ROBO2: variants seen among roughly 807,000 people sequenced by gnomAD.
ROBO2 encodes roundabout homolog 2.
ROBO2 carries 53 observed loss-of-function variants against 160.8 expected under a neutral mutation model. The ratio of observed to expected loss-of-function variants is 0.33; its 90% CI spans 0.26 to 0.41. ROBO2 has a LOEUF of 0.41. ROBO2 is among the 10% of genes least tolerant of loss of function. The probability of loss-of-function intolerance (pLI) is 1.00; values close to 1 mark genes in which losing one functional copy is unlikely to be tolerated. For synonymous variants in ROBO2, 664 were observed against 611.7 expected, an observed-to-expected ratio of 1.09 and a Z score of -1.26; for missense variants, 1,577 against 1,722.4, an observed-to-expected ratio of 0.92 and a Z score of 1.49.
intron 2 of ROBO2, among the ~76,000 whole-genome samples, chr3:77,185,659 G>A (rs183380352): frequency 6.6e-6 from 1 of 151,898 alleles, no homozygotes; most frequent in African/African-American, 2.4e-5. Flanking sequence ...CTCACTACTG[G>A]GTGTCTACCC....
At position 77,026,730 on chromosome 3, in the gene ROBO2, A is replaced by G. The variant is rs369539139; in HGVS notation, c.110-71284A>G. ...AGATAATGGAACTAAAGTTCAGAAA[A>G]GCAAAGTATCTTTATGAGACAGATG... On this transcript the variant is annotated intron_variant, in intron 2 of 26. Coordinates refer to the ROBO2 transcript ENST00000487694. 4.7e-4 allele frequency among the ~76,000 whole-genome samples: 71 copies of G among 152,356 alleles called. No individual in the cohort carries two copies. The East Asian group carries it at 9.8e-3, about 21-fold the overall frequency.
chr3:76,608,658 T>C (rs578164777), intron 2 of ROBO2, among the ~76,000 whole-genome samples: 9 of 152,312 alleles, frequency 5.9e-5, no homozygotes, highest in African/African-American at 2.2e-4. Context: ...CAGACCAACA[T>C]CCTGGAGAGT....
intron 2 of ROBO2, among the ~76,000 whole-genome samples, chr3:76,345,725 C>A (rs370182899): frequency 6.6e-6 from 1 of 151,916 alleles, no homozygotes; most frequent in South Asian, 2.1e-4. Flanking sequence ...AAGAGACCAT[C>A]ACAGAACATA....
At chr3:77,571,063 T>A (rs1336006900) in intron 13 of ROBO2, among the ~76,000 whole-genome samples, 1 of 152,016 alleles carries the variant, frequency 6.6e-6, no homozygotes, top group Non-Finnish European at 1.5e-5. Flanking sequence ...GAAAAATGAT[T>A]ATTCTAGCTT....
chr3:77,602,108 G>A, intron 19 of ROBO2, 102 bp from the exon 21 acceptor site: 2 of 1,193,314 alleles, frequency 1.7e-6, no homozygotes. Context: ...CAGCTGAAAT[G>A]CAAACGTGCA....
At chr3:77,097,120 G>GTC (rs1414163635) in intron 1 of ROBO2, among the ~76,000 whole-genome samples, 1 of 152,160 alleles carries the variant, frequency 6.6e-6, no homozygotes, top group African/African-American at 2.4e-5. Context: ...ACAAAGCCTT[G>GTC]TCTCAGGCTC....
chr3:76,217,232 C>T (rs1253495984), intron 2 of ROBO2, among the ~76,000 whole-genome samples: 5 of 151,818 alleles, frequency 3.3e-5, no homozygotes, highest in Admixed American at 6.6e-5. Context: ...AAATTGACAC[C>T]CTAACATCAC....
intron 22 of ROBO2, among the ~76,000 whole-genome samples, chr3:77,621,263 A>C (rs2094894097): frequency 1.3e-5 from 2 of 152,168 alleles, no homozygotes; most frequent in South Asian, 2.1e-4. Context: ...CCCACTCTAC[A>C]AAACATTTAA....
intron 2 of ROBO2, among the ~76,000 whole-genome samples, chr3:77,252,574 G>A (rs914086360): frequency 3.3e-5 from 5 of 151,380 alleles, no homozygotes; most frequent in African/African-American, 4.8e-5. Context: ...TTGGGAGGCC[G>A]AGGCGGGCAG....
intron 2 of ROBO2, among the ~76,000 whole-genome samples, chr3:77,428,647 C>T (rs568433661): frequency 2.5e-4 from 38 of 151,990 alleles, no homozygotes; most frequent in African/African-American, 7.2e-4. Context: ...TGAGCCACCG[C>T]GCCCGGCCGG....
chr3:76,800,023 A>G (rs2064077869), intron 2 of ROBO2, among the ~76,000 whole-genome samples: 1 of 152,186 alleles, frequency 6.6e-6, no homozygotes, highest in South Asian at 2.1e-4. Flanking sequence ...AAAAACAGAC[A>G]CAAAGACCAA....
intron 2 of ROBO2, among the ~76,000 whole-genome samples, chr3:76,488,807 A>T (rs1025882529): frequency 2.0e-5 from 3 of 152,090 alleles, no homozygotes; most frequent in African/African-American, 4.8e-5. Flanking sequence ...AAAACCCTAG[A>T]ACTGATTTTA....
At chr3:76,028,272 A>G (rs1455908595) in intron 2 of ROBO2, among the ~76,000 whole-genome samples, 2 of 151,918 alleles carry the variant, frequency 1.3e-5, no homozygotes, top group African/African-American at 4.8e-5. Flanking sequence ...ATAATAATAC[A>G]TGAAGGTAAA....
At chr3:77,201,347 A>T (rs569530939) in intron 2 of ROBO2, among the ~76,000 whole-genome samples, 1 of 152,334 alleles carries the variant, frequency 6.6e-6, no homozygotes, top group Admixed American at 6.5e-5. Context: ...GGATAATGTA[A>T]GTGGAAAATC....
At chr3:76,447,322 C>A (rs2077237299) in intron 2 of ROBO2, among the ~76,000 whole-genome samples, 1 of 151,960 alleles carries the variant, frequency 6.6e-6, no homozygotes, top group South Asian at 2.1e-4. Context: ...CAGAGAAATG[C>A]AAATCAAAAC....
chr3:76,169,820 C>T (rs1028517681), intron 2 of ROBO2, among the ~76,000 whole-genome samples: 4 of 152,118 alleles, frequency 2.6e-5, no homozygotes, highest in Admixed American at 1.3e-4. Flanking sequence ...CTCACTCTGT[C>T]ACCCAGGCTG....
chr3:76,597,252 T>A (rs1042257074), intron 2 of ROBO2, among the ~76,000 whole-genome samples: 1 of 151,630 alleles, frequency 6.6e-6, no homozygotes, highest in African/African-American at 2.4e-5. Flanking sequence ...AAAGAAAAAA[T>A]TAATAAATGG....
intron 2 of ROBO2, among the ~76,000 whole-genome samples, chr3:76,632,354 C>T (rs998122586): frequency 6.6e-6 from 1 of 152,176 alleles, no homozygotes; most frequent in African/African-American, 2.4e-5. Flanking sequence ...CCCTTGCTTG[C>T]TTCTGTGCAT....
chr3:77,293,103 C>T (rs562079326), intron 2 of ROBO2, among the ~76,000 whole-genome samples: 71 of 146,594 alleles, frequency 4.8e-4, no homozygotes, highest in African/African-American at 1.4e-3. Context: ...GGCGGTTAAA[C>T]GGGTAAGCTG....
Sources: allele counts gnomAD v4.1 joint callset (sites outside exome capture counted in the v4.1 genomes callset), GRCh38; gene constraint gnomAD v4.1.1; transcripts MANE v1.5; gene names NCBI Gene and HGNC (gene_info 2026-07-23, HGNC 2026-07-21).